EIF2B3: variants seen among roughly 807,000 people sequenced by gnomAD.
EIF2B3 encodes the protein eukaryotic translation initiation factor 2B subunit gamma.
EIF2B3 carries 20 observed loss-of-function variants against 54.1 expected under a neutral mutation model. That is an observed-to-expected ratio of 0.37 (90% CI 0.26 to 0.54). The LOEUF is 0.54. Among genes scored for constraint, EIF2B3 ranks in the 20% least tolerant of loss-of-function variants. The pLI is 0.86. For synonymous variants in EIF2B3, 153 were observed against 188.1 expected (o/e 0.81, Z 1.52); for missense variants, 448 against 547.8 (o/e 0.82, Z 1.82).
At chr1:44,930,842 T>C (rs1643890897) in intron 4 of EIF2B3, among the ~76,000 whole-genome samples, 1 of 151,838 alleles carries the variant, frequency 6.6e-6, no homozygotes. Flanking sequence ...GGTTTTGCCA[T>C]GTTGGCCAGG....
chr1:44,962,063 G>A (rs1644290218), intron 3 of EIF2B3, among the ~76,000 whole-genome samples: 1 of 152,146 alleles, frequency 6.6e-6, no homozygotes, highest in African/African-American at 2.4e-5. Context: ...GTAGTGGCAT[G>A]CACCCATAAT....
chr1:44,920,339 TG>T (rs1278725303), intron 5 of EIF2B3, among the ~76,000 whole-genome samples: 1 of 152,162 alleles, frequency 6.6e-6, no homozygotes, highest in African/African-American at 2.4e-5. Flanking sequence ...TCAGGGTAAA[TG>T]GGGGTATCCA....
At position 44,880,008 on chromosome 1, in the gene EIF2B3, T is replaced by A; in HGVS notation, c.785A>T (p.Asp262Val). Residue 262 changes from aspartate to valine, a missense_variant and splice_region_variant, in exon 8 of 12, where the codon GAT (aspartate) becomes GTT (valine). Around this residue, in one of 3 missense-constraint regions of EIF2B3, gnomAD observed 350 missense variants for 414.2 expected, o/e 0.85. Coordinates refer to ENST00000360403, the MANE Select transcript of EIF2B3 (RefSeq NM_020365.5). ...GGCTTCTTTTATAAAACTGTAGATA[T>A]CTTCAGAACAAACACCCAACCAAGG... ...DLKKKELKSL[D>V]IYSFIKEANT... 1 of 1,614,084 alleles carries A rather than the reference T, an allele frequency of 6.2e-7. No homozygotes were observed. Among genetic ancestry groups the A allele is most frequent in the Non-Finnish European group, 8.5e-7 (1 of 1,179,984 alleles).
chr1:44,968,583 G>C (rs565673025), intron 3 of EIF2B3, among the ~76,000 whole-genome samples: 1 of 152,122 alleles, frequency 6.6e-6, no homozygotes, highest in Non-Finnish European at 1.5e-5. Context: ...TGACAACAAC[G>C]CTGTATGTCA....
At chr1:44,879,354 A>G (rs1655307612) in intron 8 of EIF2B3, among the ~76,000 whole-genome samples, 1 of 152,152 alleles carries the variant, frequency 6.6e-6, no homozygotes, top group Admixed American at 6.5e-5. Context: ...TTTGCAGACA[A>G]TTCTCTCTCA....
intron 5 of EIF2B3, chr1:44,924,835 C>A (rs1220681826): frequency 6.6e-6 from 1 of 152,050 alleles, no homozygotes; most frequent in Non-Finnish European, 1.5e-5. Context: ...GAGTTATATT[C>A]TTTTCAGGAT....
chr1:44,910,526 G>A (rs1643489864), intron 5 of EIF2B3, among the ~76,000 whole-genome samples: 1 of 151,610 alleles, frequency 6.6e-6, no homozygotes, highest in Admixed American at 6.6e-5. Flanking sequence ...AGTACTGACT[G>A]ATGACTAGCT....
At chr1:44,933,202 C>G (rs1316968919) in intron 4 of EIF2B3, among the ~76,000 whole-genome samples, 1 of 151,642 alleles carries the variant, frequency 6.6e-6, no homozygotes, top group African/African-American at 2.4e-5. Context: ...TTTAGGAAAA[C>G]AAAAGGAGGA....
At chr1:44,942,566 T>A (rs1376614808) in intron 3 of EIF2B3, among the ~76,000 whole-genome samples, 1 of 149,032 alleles carries the variant, frequency 6.7e-6, no homozygotes, top group Non-Finnish European at 1.5e-5. Context: ...TAGCTGGGAC[T>A]ACAGGTATGT....
At chr1:44,942,412 T>TATATATACATAC (rs1644042211) in intron 3 of EIF2B3, among the ~76,000 whole-genome samples, 1 of 19,630 alleles carries the variant, frequency 5.1e-5, no homozygotes, top group African/African-American at 2.5e-4. Context: ...TATATATATA[T>TATATATACATAC]ATATATTTTT....
chr1:44,952,811 C>T (rs938856610), intron 3 of EIF2B3, among the ~76,000 whole-genome samples: 4 of 152,116 alleles, frequency 2.6e-5, no homozygotes, highest in African/African-American at 7.2e-5. Flanking sequence ...CTCGGCCTCC[C>T]AAAGTGCTGG....
intron 3 of EIF2B3, among the ~76,000 whole-genome samples, chr1:44,968,725 C>T (rs1167540055): frequency 3.3e-5 from 5 of 151,912 alleles, no homozygotes; most frequent in Non-Finnish European, 5.9e-5. Flanking sequence ...GGTGAAGCCC[C>T]GTCTCTACTA....
rs35710243 is a variant in EIF2B3, at chr1:44,915,538, A to T, written c.566+11090T>A. Among the ~76,000 whole-genome samples, 1,041 of 151,968 alleles carry T rather than the reference A, an allele frequency of 6.9e-3. 12 individuals are homozygous for T. The highest frequency in any genetic ancestry group is 0.024 in the African/African-American group (985 of 41,486). ...TGCCATGCCCAGCGAATTAAAAAAAAATATTTATAGAGATGAGGTCCTGCT... is the reference window on the plus strand; with the variant it reads ...TGCCATGCCCAGCGAATTAAAAAAATATATTTATAGAGATGAGGTCCTGCT... On this transcript the variant is annotated intron_variant, in intron 5 of 11. Transcript: ENST00000360403.
At chr1:44,893,445 G>A (rs116201917) in intron 6 of EIF2B3, among the ~76,000 whole-genome samples, 2,995 of 152,282 alleles carry the variant, frequency 0.02, 69 homozygotes, top group African/African-American at 0.053. Context: ...AGAGATATCC[G>A]ACATCTGTGG....
intron 10 of EIF2B3, among the ~76,000 whole-genome samples, chr1:44,873,143 A>T (rs529605471): frequency 6.6e-6 from 1 of 152,222 alleles, no homozygotes; most frequent in South Asian, 2.1e-4. Context: ...ATTTATCAGC[A>T]TACCACTGGT....
intron 1 of EIF2B3, among the ~76,000 whole-genome samples, chr1:44,983,534 C>T (rs1476574789): frequency 6.6e-6 from 1 of 152,112 alleles, no homozygotes; most frequent in East Asian, 1.9e-4. Context: ...ATATAACATC[C>T]ACCACATCAA....
rs1482809189 is a variant in EIF2B3 at position 44,850,563 on chromosome 1, G to T, written c.*388C>A. On this transcript the variant is annotated 3_prime_UTR_variant, in exon 12 of 12. Transcript: ENST00000360403. ...CTATGGGTCTAGAAAGGCTGATTAG[G>T]ATAAGGGACTGAAGTACTCCCAGGT... 1.4e-5 allele frequency: 4 copies of T among 278,342 alleles called. No individual in the cohort carries two copies. Among genetic ancestry groups the T allele is most frequent in the Non-Finnish European group, 2.8e-5 (4 of 144,364 alleles). The allele number at this position is 278,342 out of a possible 1,614,324, so 17.2% of individuals were successfully genotyped here.
rs1644101507 is a variant in EIF2B3 at position 44,946,323 on chromosome 1, T to C, written c.295-4658A>G. On this transcript the variant is annotated intron_variant, in intron 3 of 11. Coordinates refer to ENST00000360403, the MANE Select transcript of EIF2B3 (RefSeq NM_020365.5). Reference sequence around the variant, plus strand: ...AGTCACTGAGACCAAACACATCTCATCCTCTGTGCAACTCCATCACTTCCA... The same window carrying C: ...AGTCACTGAGACCAAACACATCTCACCCTCTGTGCAACTCCATCACTTCCA... Among the ~76,000 whole-genome samples the C allele has an allele frequency of 2.0e-5, 3 of 152,114 alleles. No individual in the cohort carries two copies. The South Asian group carries it at 6.2e-4, about 31-fold the overall frequency.
chr1:44,967,221 C>A (rs967648863), intron 3 of EIF2B3, among the ~76,000 whole-genome samples: 1 of 149,352 alleles, frequency 6.7e-6, no homozygotes, highest in African/African-American at 2.5e-5. Flanking sequence ...CTGAGGCAGG[C>A]AGATCACTTG....
Sources: gnomAD v4.1 joint callset for allele counts (sites outside exome capture counted in the v4.1 genomes callset) on GRCh38, gnomAD v4.1.1 for gene constraint, gnomAD v4.1.1 regional missense constraint, MANE v1.5 for transcripts, NCBI Gene and HGNC (gene_info 2026-07-23, HGNC 2026-07-21) for gene names.